The following FNDC3B variants were observed in gnomAD, a reference collection of about 807,000 sequenced individuals.
The protein encoded by FNDC3B is fibronectin type III domain-containing protein 3B.
FNDC3B carries 12 observed loss-of-function variants against 151.5 expected under a neutral mutation model. The ratio of observed to expected loss-of-function variants is 0.08; its 90% CI spans 0.05 to 0.13. The LOEUF is 0.13. Ranked by LOEUF, FNDC3B falls within the 10% of genes least tolerant of loss-of-function variation. The pLI is 1.00. For synonymous variants in FNDC3B, 528 were observed against 549.0 expected, an observed-to-expected ratio of 0.96 and a Z score of 0.54; for missense variants, 1,214 against 1,505.3, an observed-to-expected ratio of 0.81 and a Z score of 3.20.
At chr3:172,056,277 A>C (rs1021459184) in intron 1 of FNDC3B, among the ~76,000 whole-genome samples, 1 of 152,104 alleles carries the variant, frequency 6.6e-6, no homozygotes, top group Non-Finnish European at 1.5e-5. Context: ...AGTAAGTTTC[A>C]GTTTTAGCCA....
At chr3:172,340,723 G>A (rs1315382424) in intron 16 of FNDC3B, among the ~76,000 whole-genome samples, 1 of 152,122 alleles carries the variant, frequency 6.6e-6, no homozygotes, top group Admixed American at 6.6e-5. Context: ...CAGAAGCCTC[G>A]TGGCCAAGAA....
intron 1 of FNDC3B, among the ~76,000 whole-genome samples, chr3:172,097,554 T>A (rs1719152810): frequency 6.6e-6 from 1 of 152,230 alleles, no homozygotes; most frequent in East Asian, 1.9e-4. Flanking sequence ...AAATTATAGA[T>A]GCTCATTGTA....
intron 1 of FNDC3B, among the ~76,000 whole-genome samples, chr3:172,086,622 C>T (rs1718559312): frequency 6.6e-6 from 1 of 152,128 alleles, no homozygotes; most frequent in Admixed American, 6.5e-5. Flanking sequence ...AATAACATTT[C>T]TTATTTTCAT....
At chr3:172,057,683 CT>C (rs11348946) in intron 1 of FNDC3B, among the ~76,000 whole-genome samples, 19,118 of 139,806 alleles carry the variant, frequency 0.14, 1,752 homozygotes, top group African/African-American at 0.27. Context: ...TAACATCTAC[CT>C]TTTTTTTTTT....
chr3:172,111,422 C>T (rs1012666613), intron 1 of FNDC3B, among the ~76,000 whole-genome samples: 2 of 152,064 alleles, frequency 1.3e-5, no homozygotes, highest in Non-Finnish European at 2.9e-5. Flanking sequence ...CTATTAACAC[C>T]GAATTATAAG....
At chr3:172,070,268 T>G (rs952094855) in intron 1 of FNDC3B, among the ~76,000 whole-genome samples, 3 of 151,928 alleles carry the variant, frequency 2.0e-5, no homozygotes, top group Non-Finnish European at 4.4e-5. Context: ...GATGTTCTGG[T>G]GCTAAACTGA....
intron 1 of FNDC3B, among the ~76,000 whole-genome samples, chr3:172,041,734 A>AACGCCCCAC (rs1304099520): frequency 2.0e-5 from 3 of 152,114 alleles, no homozygotes; most frequent in African/African-American, 7.2e-5. Context: ...GTGCCCGGGC[A>AACGCCCCAC]ACGCCCCACA....
At chr3:172,249,637 T>A (rs192117944) in intron 5 of FNDC3B, among the ~76,000 whole-genome samples, 71 of 152,356 alleles carry the variant, frequency 4.7e-4, no homozygotes, top group African/African-American at 1.7e-3. Context: ...CCATAGTGAA[T>A]ATGTTAAATC....
intron 3 of FNDC3B, among the ~76,000 whole-genome samples, chr3:172,180,788 A>G (rs1007433925): frequency 6.6e-6 from 1 of 152,216 alleles, no homozygotes. Flanking sequence ...GTTATAAAAT[A>G]TGCCTGGATT....
At chr3:172,145,224 G>A (rs1033179603) in intron 3 of FNDC3B, among the ~76,000 whole-genome samples, 1 of 152,160 alleles carries the variant, frequency 6.6e-6, no homozygotes, top group Non-Finnish European at 1.5e-5. Context: ...TCCCGGGTAT[G>A]TATTAGCAGA....
intron 3 of FNDC3B, among the ~76,000 whole-genome samples, chr3:172,224,631 C>T (rs538769299): frequency 1.3e-5 from 2 of 152,232 alleles, no homozygotes; most frequent in South Asian, 4.2e-4. Flanking sequence ...GTGGTCATAA[C>T]GCTGGTTGTA....
intron 25 of FNDC3B, among the ~76,000 whole-genome samples, chr3:172,382,216 T>A (rs1193100726): frequency 6.6e-6 from 1 of 152,254 alleles, no homozygotes; most frequent in African/African-American, 2.4e-5. Context: ...ATTTCTCTAA[T>A]GACAAGTGAT....
At chr3:172,067,356 A>G (rs1242162460) in intron 1 of FNDC3B, among the ~76,000 whole-genome samples, 1 of 152,158 alleles carries the variant, frequency 6.6e-6, no homozygotes, top group Non-Finnish European at 1.5e-5. Context: ...GAGAAGGATG[A>G]AAGTGGTGTG....
intron 7 of FNDC3B, among the ~76,000 whole-genome samples, chr3:172,294,889 C>T (rs147286025): frequency 1.1e-3 from 166 of 152,274 alleles, no homozygotes; most frequent in Non-Finnish European, 1.9e-3. Flanking sequence ...CCCATATCAG[C>T]CTGGTCCTTG....
chr3:172,271,814 C>T (rs915627060), intron 6 of FNDC3B, among the ~76,000 whole-genome samples: 1 of 152,200 alleles, frequency 6.6e-6, no homozygotes, highest in Non-Finnish European at 1.5e-5. Context: ...CTGGAGACAC[C>T]ATCCACGCAT....
intron 3 of FNDC3B, among the ~76,000 whole-genome samples, chr3:172,193,831 AAT>A (rs1724685731): frequency 6.6e-6 from 1 of 152,214 alleles, no homozygotes; most frequent in Non-Finnish European, 1.5e-5. Context: ...TCATCTTTTT[AAT>A]AACTAAAGTG....
chr3:172,115,913 G>A (rs573511225), intron 2 of FNDC3B, among the ~76,000 whole-genome samples: 6 of 152,308 alleles, frequency 3.9e-5, no homozygotes, highest in East Asian at 1.9e-4. Context: ...CCACAGTTAT[G>A]AGAAAGCTCT....
At chr3:172,300,481 T>A (rs756090768) in intron 9 of FNDC3B, among the ~76,000 whole-genome samples, 11 of 152,004 alleles carry the variant, frequency 7.2e-5, no homozygotes, top group African/African-American at 2.4e-4. Flanking sequence ...TTTTAAACCC[T>A]TATTACAAAG....
intron 20 of FNDC3B, among the ~76,000 whole-genome samples, chr3:172,346,904 G>T (rs940594307): frequency 1.3e-5 from 2 of 151,906 alleles, no homozygotes; most frequent in Non-Finnish European, 2.9e-5. Flanking sequence ...GGGTTTCACT[G>T]TGTTGGCCAG....
Sources: allele counts gnomAD v4.1 joint callset (sites outside exome capture counted in the v4.1 genomes callset), GRCh38; gene constraint gnomAD v4.1.1; transcripts MANE v1.5; gene names NCBI Gene and HGNC (gene_info 2026-07-23, HGNC 2026-07-21).